KIAA0319L: variants seen among roughly 807,000 people sequenced by gnomAD.
KIAA0319L encodes dyslexia-associated protein KIAA0319-like protein.
A neutral mutation model predicts 120.1 loss-of-function variants in KIAA0319L; 55 were observed. That is an observed-to-expected ratio of 0.46 (90% CI 0.37 to 0.57). The LOEUF is 0.57. Among genes scored for constraint, KIAA0319L ranks in the 20% least tolerant of loss-of-function variants. The pLI, the probability that KIAA0319L is intolerant of heterozygous loss-of-function variation, is 0.00. For missense variants in KIAA0319L, 1,049 were observed against 1,255.3 expected (o/e 0.84, Z 2.48); for synonymous variants, 398 against 471.9 (o/e 0.84, Z 2.03).
At chr1:35,454,197 C>G (rs1429122056) in intron 11 of KIAA0319L, 165 bp downstream of exon 11, 3 of 624,580 alleles carry the variant, frequency 4.8e-6, no homozygotes, top group Non-Finnish European at 8.1e-6. Context: ...TCATCTCTAG[C>G]TATGAAGAAA....
chr1:35,435,101 T>A lies in KIAA0319L; in HGVS notation c.2963-20A>T. On this transcript the variant is annotated intron_variant, in intron 20 of 20. Transcript: ENST00000325722. ...TGATGCCTGCAGGGAAAACAAGGAA[T>A]CCAGCATCAGGAGACTGGCCTCAAG... The A allele has an allele frequency of 1.9e-6, 3 of 1,610,116 alleles. No individual in the cohort carries two copies. The highest frequency in any genetic ancestry group is 2.5e-6 in the Non-Finnish European group (3 of 1,177,644).
chr1:35,526,400 T>C lies in KIAA0319L; in HGVS notation c.143-19265A>G, dbSNP rs573730071. Among the ~76,000 whole-genome samples the C allele has an allele frequency of 9.5e-3, 1,378 of 145,158 alleles. 10 individuals carry two copies. The highest frequency in any genetic ancestry group is 0.014 in the Non-Finnish European group (966 of 66,866). On this transcript the variant is annotated intron_variant, in intron 2 of 20. Transcript: ENST00000325722. Reference sequence around the variant, plus strand: ...ATATATATACATACATATATATATATATATATATATACACACATACATATA... The same window carrying C: ...ATATATATACATACATATATATATACATATATATATACACACATACATATA...
At chr1:35,450,928 T>G (rs1371414020) in intron 13 of KIAA0319L, among the ~76,000 whole-genome samples, 1 of 152,236 alleles carries the variant, frequency 6.6e-6, no homozygotes, top group East Asian at 1.9e-4. Flanking sequence ...TCTGAATATC[T>G]TTTTGGACCC....
intron 9 of KIAA0319L, among the ~76,000 whole-genome samples, chr1:35,456,876 G>A (rs1209276070): frequency 3.8e-5 from 5 of 130,700 alleles, no homozygotes; most frequent in Non-Finnish European, 8.1e-5. Context: ...GGGAGGGAAG[G>A]AAGGAGGGAG....
chr1:35,497,295 A>G (rs1644847042), intron 3 of KIAA0319L, among the ~76,000 whole-genome samples: 2 of 152,206 alleles, frequency 1.3e-5, no homozygotes, highest in African/African-American at 2.4e-5. Flanking sequence ...TTACAACTCT[A>G]TGCATTTACT....
chr1:35,464,359 A>T (rs1369369497), intron 7 of KIAA0319L, among the ~76,000 whole-genome samples: 1 of 152,236 alleles, frequency 6.6e-6, no homozygotes, highest in Non-Finnish European at 1.5e-5. Context: ...GAACTGGAGC[A>T]AAGGTGACTC....
chr1:35,557,187 A>G lies in KIAA0319L; in HGVS notation c.-29+20T>C, dbSNP rs980314599. ...GCCCATGGTCCTCGGCCTGGCAGCC[A>G]GCCGCCCCCGGCCACCTACCGGGGC... On this transcript the variant is annotated intron_variant, in intron 1 of 20. Coordinates refer to ENST00000325722, the MANE Select transcript of KIAA0319L (RefSeq NM_024874.5). The G allele has an allele frequency of 5.9e-6, 1 of 170,160 alleles. No homozygotes were observed. The highest frequency in any genetic ancestry group is 2.4e-5 in the African/African-American group (1 of 41,598). The allele number at this position is 170,160 out of a possible 1,614,324, so 10.5% of individuals were successfully genotyped here.
intron 3 of KIAA0319L, among the ~76,000 whole-genome samples, chr1:35,504,586 G>A (rs1002514221): frequency 6.6e-6 from 1 of 152,130 alleles, no homozygotes; most frequent in Non-Finnish European, 1.5e-5. Context: ...TATCTTATTG[G>A]TAAGGCTTCC....
At chr1:35,486,455 AT>A (rs1412376118) in intron 3 of KIAA0319L, among the ~76,000 whole-genome samples, 1 of 151,892 alleles carries the variant, frequency 6.6e-6, no homozygotes, top group Non-Finnish European at 1.5e-5. Context: ...TATGTTAAAA[AT>A]ATTTGGTTTT....
chr1:35,552,088 T>C (rs1397513792), intron 2 of KIAA0319L, among the ~76,000 whole-genome samples: 1 of 151,714 alleles, frequency 6.6e-6, no homozygotes, highest in Non-Finnish European at 1.5e-5. Context: ...CTCACGCCTG[T>C]AATCCCAGCA....
chr1:35,442,815 A>C, intron 18 of KIAA0319L, 91 bp downstream of exon 18: 1 of 1,492,546 alleles, frequency 6.7e-7, no homozygotes, highest in Non-Finnish European at 9.3e-7. Context: ...TTGCCTGCTC[A>C]TCTGCTTCAG....
intron 17 of KIAA0319L, 129 bp from the exon 18 acceptor site, chr1:35,443,157 C>T: frequency 1.8e-6 from 2 of 1,104,076 alleles, no homozygotes; most frequent in Non-Finnish European, 2.6e-6. Flanking sequence ...TCGAGACCCA[C>T]CTTGGGCATG....
At chr1:35,547,693 T>G (rs1381909343) in intron 2 of KIAA0319L, among the ~76,000 whole-genome samples, 1 of 152,160 alleles carries the variant, frequency 6.6e-6, no homozygotes, top group East Asian at 1.9e-4. Context: ...GGCAAATCCA[T>G]AGAGTCAGAA....
Position 35,451,781 on chromosome 1 carries a change from A to G in KIAA0319L, c.1914-5T>C. 6.2e-7 allele frequency: 1 copy of G among 1,613,228 alleles called. No individual in the cohort carries two copies. Among genetic ancestry groups the G allele is most frequent in the Non-Finnish European group, 8.5e-7 (1 of 1,179,544 alleles). On this transcript the variant is annotated splice_polypyrimidine_tract_variant and splice_region_variant and intron_variant, in intron 12 of 20. Transcript: ENST00000325722. ...AGCTGCACCCCATCAGGTCCCCTGC[A>G]AAAAAAGAAACTAGAGGGTAGAGTT...
intron 11 of KIAA0319L, chr1:35,454,114 A>G: frequency 2.1e-6 from 1 of 482,580 alleles, no homozygotes; most frequent in South Asian, 4.2e-5. Flanking sequence ...CATAAACTCT[A>G]TTTCCTAGGT....
Position 35,464,581 on chromosome 1 carries a change from T to C in KIAA0319L, c.1202-1868A>G, listed in dbSNP as rs146476429. Among the ~76,000 whole-genome samples the C allele has an allele frequency of 3.9e-5, 6 of 152,316 alleles. No homozygotes were observed. The South Asian group carries it at 8.3e-4, about 21-fold the overall frequency. Reference sequence around the variant, plus strand: ...GAAAATTTGCAGCCTGACAATGCAATAGAAAACAAAATCCCATTTTCTAAG... The same window carrying C: ...GAAAATTTGCAGCCTGACAATGCAACAGAAAACAAAATCCCATTTTCTAAG... On this transcript the variant is annotated intron_variant, in intron 7 of 20. Transcript: ENST00000325722.
intron 2 of KIAA0319L, among the ~76,000 whole-genome samples, chr1:35,544,368 C>CAA (rs748228266): frequency 1.2e-3 from 66 of 52,978 alleles, no homozygotes; most frequent in African/African-American, 2.9e-3. Flanking sequence ...GACTCAATCT[C>CAA]AAAAAAAAAA....
intron 3 of KIAA0319L, among the ~76,000 whole-genome samples, chr1:35,484,796 A>T (rs1558439722): frequency 4.5e-4 from 21 of 46,826 alleles, no homozygotes; most frequent in Admixed American, 8.8e-4. Flanking sequence ...ATATATATAT[A>T]TATATATATA....
chr1:35,443,133 G>T, intron 17 of KIAA0319L, 105 bp from the exon 18 acceptor site: 1 of 1,371,162 alleles, frequency 7.3e-7, no homozygotes, highest in Non-Finnish European at 1.0e-6. Flanking sequence ...TTAATGCTAT[G>T]TGGTGAAATG....
Sources: gnomAD v4.1 joint callset for allele counts (sites outside exome capture counted in the v4.1 genomes callset) on GRCh38, gnomAD v4.1.1 for gene constraint, MANE v1.5 for transcripts, NCBI Gene and HGNC (gene_info 2026-07-23, HGNC 2026-07-21) for gene names.